The following KCNJ9 variants were observed in gnomAD, a reference collection of about 807,000 sequenced individuals.
KCNJ9 encodes G protein-activated inward rectifier potassium channel 3.
A neutral mutation model predicts 27.9 loss-of-function variants in KCNJ9; 18 were observed. That is an observed-to-expected ratio of 0.65 (90% CI 0.45 to 0.96). KCNJ9 has a LOEUF of 0.96. KCNJ9 is among the 40% of genes least tolerant of loss of function. The probability of loss-of-function intolerance (pLI) is 0.00; values close to 1 mark genes in which losing one functional copy is unlikely to be tolerated. For synonymous variants in KCNJ9, 229 were observed against 248.2 expected (o/e 0.92, Z 0.73); for missense variants, 324 against 557.5 (o/e 0.58, Z 4.22).
rs1457172476 is a variant in KCNJ9 at position 160,084,362 on chromosome 1, T to A, written c.332T>A (p.Phe111Tyr). ...AACCTCAACGGCTTCGTGGCCGCCT[T>A]CCTCTTCTCCATCGAGACCGAGACC... is the stretch of plus-strand genomic sequence containing the variant. ...VNNLNGFVAA[F>Y]LFSIETETTI... The change falls in exon 2 of 3, where the codon TTC becomes TAC. Residue 111 changes from phenylalanine (F) to tyrosine (Y), a missense_variant. Phe to Tyr is a conservative substitution (Grantham distance 22, BLOSUM62 3). Coordinates refer to ENST00000368088, the MANE Select transcript of KCNJ9 (RefSeq NM_004983.3). 6.2e-7 allele frequency: 1 copy of A among 1,613,688 alleles called. No homozygotes were observed. The highest frequency in any genetic ancestry group is 1.7e-4 in the Middle Eastern group (1 of 6,060).
intron 2 of KCNJ9, 33 bp downstream of exon 2, chr1:160,084,913 G>T: frequency 1.3e-6 from 2 of 1,496,046 alleles, no homozygotes; most frequent in Non-Finnish European, 1.8e-6. Context: ...GAGCGGGGTT[G>T]GCAGAGGGTG....
chr1:160,086,286 G>C (rs371876632), intron 2 of KCNJ9, among the ~76,000 whole-genome samples: 1 of 152,152 alleles, frequency 6.6e-6, no homozygotes, highest in East Asian at 1.9e-4. Flanking sequence ...CCCTTGTTCC[G>C]AGATGGATAT....
Position 160,088,325 on chromosome 1 carries a change from T to C in KCNJ9, c.*508T>C, listed in dbSNP as rs915933159. On this transcript the variant is annotated 3_prime_UTR_variant, in exon 3 of 3. Transcript: ENST00000368088. Reference sequence around the variant, plus strand: ...TGGATTGCAGTCCCCAGTCACCTCTTCTGCCAGCCTCCCCACATATGGCAC... The same window carrying C: ...TGGATTGCAGTCCCCAGTCACCTCTCCTGCCAGCCTCCCCACATATGGCAC... 6.6e-6 allele frequency: 1 copy of C among 152,498 alleles called. No individual in the cohort carries two copies. Among genetic ancestry groups the C allele is most frequent in the Non-Finnish European group, 1.5e-5 (1 of 68,320 alleles). 9.4% of individuals were successfully genotyped at this position (152,498 alleles called of 1,614,324 possible). A position where few individuals can be genotyped will look rare whatever the true frequency, so the allele number is the denominator to read the frequency against.
chr1:160,084,002 C>A lies in KCNJ9; in HGVS notation c.-29C>A. 1 of 1,288,244 alleles carries A rather than the reference C, an allele frequency of 7.8e-7. No homozygotes were observed. The highest frequency in any genetic ancestry group is 9.8e-7 in the Non-Finnish European group (1 of 1,024,300). The allele number at this position is 1,288,244 out of a possible 1,614,324, so 79.8% of individuals were successfully genotyped here. A position where few individuals can be genotyped will look rare whatever the true frequency, so the allele number is the denominator to read the frequency against. ...TCGGGCCCCCGCCGCACTCCAGGCG[C>A]CCGCAGCGCTCGCCCTGACGCGGCC... On this transcript the variant is annotated 5_prime_UTR_variant, in exon 2 of 3. Coordinates refer to ENST00000368088, the MANE Select transcript of KCNJ9 (RefSeq NM_004983.3).
intron 1 of KCNJ9, 22 bp from the exon 2 acceptor site, chr1:160,083,895 C>T (rs1392354169): frequency 3.8e-6 from 3 of 782,018 alleles, no homozygotes; most frequent in Non-Finnish European, 5.0e-6. Context: ...AGGGGCCACT[C>T]ATTCGGCAAA....
chr1:160,085,906 C>T (rs1047435290), intron 2 of KCNJ9, among the ~76,000 whole-genome samples: 1 of 152,166 alleles, frequency 6.6e-6, no homozygotes, highest in Non-Finnish European at 1.5e-5. Context: ...GCTGAGACTC[C>T]GCTTCACACC....
intron 1 of KCNJ9, among the ~76,000 whole-genome samples, chr1:160,082,717 T>A (rs1649704110): frequency 6.6e-6 from 1 of 152,116 alleles, no homozygotes; most frequent in East Asian, 1.9e-4. Context: ...GAGGAGAGGA[T>A]CATTCCCAGG....
At position 160,086,893 on chromosome 1, in the gene KCNJ9, C is replaced by T. The variant is rs115750375; in HGVS notation, c.851-593C>T. Among the ~76,000 whole-genome samples the T allele has an allele frequency of 3.2e-3, 491 of 152,266 alleles. 4 individuals carry two copies. The highest frequency in any genetic ancestry group is 0.011 in the African/African-American group (464 of 41,544). ...TGGAAAACCAGGTCAAATGAGGAAT[C>T]GTGGAGGAAGCCAGGGATGTTAAGT... On this transcript the variant is annotated intron_variant, in intron 2 of 2. Transcript: ENST00000368088.
Position 160,085,732 on chromosome 1 carries a change from A to G in KCNJ9, c.850+852A>G, listed in dbSNP as rs180876416. On this transcript the variant is annotated intron_variant, in intron 2 of 2. Coordinates refer to ENST00000368088, the MANE Select transcript of KCNJ9 (RefSeq NM_004983.3). ...GGAGTCGCAAAGGAGGTCACTTAGG[A>G]CTTGAGATCTAGAGGATAGATGAGG... 3.0e-3 allele frequency among the ~76,000 whole-genome samples: 462 copies of G among 152,338 alleles called. 2 individuals carry two copies. Among genetic ancestry groups the G allele is most frequent in the African/African-American group, 0.01 (436 of 41,566 alleles).
Position 160,087,892 on chromosome 1 carries a change from T to TGGAGGA in KCNJ9, c.*91_*96dup. The TGGAGGA allele has an allele frequency of 3.8e-6, 5 of 1,309,530 alleles. No individual in the cohort carries two copies. The highest frequency in any genetic ancestry group is 4.9e-6 in the Non-Finnish European group (5 of 1,014,116). The allele number at this position is 1,309,530 out of a possible 1,614,324, so 81.1% of individuals were successfully genotyped here. ...ATGGGGAACTGCATATCGGAGGTGG[T>TGGAGGA]GGAGGAGGAGGAGGAGGAGGAAGGC... On this transcript the variant is annotated 3_prime_UTR_variant, in exon 3 of 3. Coordinates refer to ENST00000368088, the MANE Select transcript of KCNJ9 (RefSeq NM_004983.3).
chr1:160,085,051 C>T (rs1649752957), intron 2 of KCNJ9, among the ~76,000 whole-genome samples, 171 bp downstream of exon 2: 2 of 152,140 alleles, frequency 1.3e-5, no homozygotes, highest in Non-Finnish European at 2.9e-5. Flanking sequence ...AACCGAGCAA[C>T]GCCGCAGAAG....
chr1:160,084,476 T>C lies in KCNJ9; in HGVS notation c.446T>C (p.Val149Ala), dbSNP rs1163951715. ...LLLQAILGSM[V>A]NAFMVGCMFV... is the part of the protein sequence containing the mutation. ...CTGCAGGCCATCCTGGGCTCCATGG[T>C]GAACGCCTTCATGGTGGGCTGCATG... Residue 149 changes from valine (V) to alanine (A), a missense_variant, in exon 2 of 3, where the codon GTG (valine) becomes GCG (alanine). This residue lies in a region of KCNJ9 where 241 missense variants were observed against 481.7 expected (regional missense o/e 0.50). Coordinates refer to ENST00000368088, the MANE Select transcript of KCNJ9 (RefSeq NM_004983.3). The C allele has an allele frequency of 1.9e-5, 30 of 1,613,720 alleles. No homozygotes were observed. The highest frequency in any genetic ancestry group is 2.5e-5 in the Non-Finnish European group (29 of 1,179,950).
chr1:160,082,944 C>T (rs1190139802), intron 1 of KCNJ9, among the ~76,000 whole-genome samples: 2 of 141,974 alleles, frequency 1.4e-5, no homozygotes, highest in Admixed American at 7.2e-5. Flanking sequence ...CAGGTGGGGG[C>T]GGGGCTGGTG....
Position 160,084,068 on chromosome 1 carries a change from A to T in KCNJ9, c.38A>T (p.Glu13Val). Residue 13 changes from glutamate to valine, a missense_variant, in exon 2 of 3, where the codon GAG becomes GTG. Transcript: ENST00000368088. ...AACGCGGCCTTCTCGCCCGGGCAGG[A>T]GGAGCCGCCGCGGCGCCGCGGCCGC... ...QENAAFSPGQ[E>V]EPPRRRGRQR... 1 of 1,531,936 alleles carries T rather than the reference A, an allele frequency of 6.5e-7. No individual in the cohort carries two copies. Among genetic ancestry groups the T allele is most frequent in the Non-Finnish European group, 8.7e-7 (1 of 1,143,068 alleles). The allele number at this position is 1,531,936 out of a possible 1,614,324, so 94.9% of individuals were successfully genotyped here.
rs1649796296 is a variant in KCNJ9 at position 160,087,378 on chromosome 1, C to T, written c.851-108C>T. ...GACTGGACCAAAGGGAGGTGGGAGC[C>T]CTTAGGAAGGAATAGAAGGGAGGGT... On this transcript the variant is annotated intron_variant, in intron 2 of 2. Transcript: ENST00000368088. 2.1e-6 allele frequency: 3 copies of T among 1,397,994 alleles called. No individual in the cohort carries two copies. The South Asian group carries it at 4.9e-5, about 23-fold the overall frequency. 86.6% of individuals were successfully genotyped at this position (1,397,994 alleles called of 1,614,324 possible).
In KCNJ9 at chr1:160,084,389, C is replaced by T. The variant is rs1649739406; in HGVS notation, c.359C>T (p.Thr120Ile). Residue 120 changes from threonine (T) to isoleucine (I), a missense_variant, in exon 2 of 3, where the codon ACC (threonine) becomes ATC (isoleucine). This residue lies in a region of KCNJ9 where 241 missense variants were observed against 481.7 expected (regional missense o/e 0.50). Coordinates refer to ENST00000368088, the MANE Select transcript of KCNJ9 (RefSeq NM_004983.3). ...AFLFSIETET[T>I]IGYGHRVITD... ...CTCTTCTCCATCGAGACCGAGACCACCATCGGCTACGGGCACCGCGTCATC... is the reference window on the plus strand; with the variant it reads ...CTCTTCTCCATCGAGACCGAGACCATCATCGGCTACGGGCACCGCGTCATC... 1 of 1,613,526 alleles carries T rather than the reference C, an allele frequency of 6.2e-7. No homozygotes were observed. The highest frequency in any genetic ancestry group is 8.5e-7 in the Non-Finnish European group (1 of 1,179,934).
chr1:160,083,777 C>T (rs1367248605), intron 1 of KCNJ9, 140 bp from the exon 2 acceptor site: 4 of 268,668 alleles, frequency 1.5e-5, no homozygotes, highest in Non-Finnish European at 2.8e-5. Flanking sequence ...GCAGTTAGGG[C>T]TGAATGTGTT....
At position 160,087,616 on chromosome 1, in the gene KCNJ9, G is replaced by A. The variant is rs1649801660; in HGVS notation, c.981G>A (p.Glu327=). The A allele has an allele frequency of 3.7e-6, 6 of 1,613,618 alleles. No homozygotes were observed. The highest frequency in any genetic ancestry group is 5.1e-6 in the Non-Finnish European group (6 of 1,179,918). The part of the protein sequence containing the change: ...VDYASFHETF[E]VPTPSCSARE... ...ATGCCAGCTTTCACGAGACTTTTGA[G>A]GTGCCCACACCTTCGTGCAGTGCTC... Residue 327 remains glutamate (E), a synonymous_variant, in exon 3 of 3, where the codon GAG becomes GAA. Coordinates refer to ENST00000368088, the MANE Select transcript of KCNJ9 (RefSeq NM_004983.3).
chr1:160,084,214 T>C lies in KCNJ9; in HGVS notation c.184T>C (p.Leu62=), dbSNP rs140503599. 1.9e-5 allele frequency: 31 copies of C among 1,612,964 alleles called. No homozygotes were observed. Among genetic ancestry groups the C allele is most frequent in the South Asian group, 9.9e-5 (9 of 90,964 alleles). ...GGACCTGCAGTGGCGCCTCAGCCTG[T>C]TGTTCTTCGTCCTGGCCTACGCGCT... ...LVDLQWRLSL[L]FFVLAYALTW... The change falls in exon 2 of 3, where the codon TTG becomes CTG. Residue 62 remains leucine, a synonymous_variant. Coordinates refer to ENST00000368088, the MANE Select transcript of KCNJ9 (RefSeq NM_004983.3).
Sources: gnomAD v4.1 joint callset for allele counts (sites outside exome capture counted in the v4.1 genomes callset) on GRCh38, gnomAD v4.1.1 for gene constraint, gnomAD v4.1.1 regional missense constraint, MANE v1.5 for transcripts, NCBI Gene and HGNC (gene_info 2026-07-23, HGNC 2026-07-21) for gene names.